The following COTL1 variants were observed in gnomAD, a reference collection of about 807,000 sequenced individuals.
COTL1 encodes coactosin like F-actin binding protein 1, also known as coactosin-like protein.
A neutral mutation model predicts 16.5 loss-of-function variants in COTL1; 15 were observed. The observed-to-expected ratio is 0.91, with a 90% CI of 0.61 to 1.40. The LOEUF is 1.40. Among genes scored for constraint, COTL1 ranks in the 40% most tolerant of loss-of-function variants. COTL1 has a pLI of 0.00. For synonymous variants in COTL1, 112 were observed against 85.3 expected (o/e 1.31, Z -1.73); for missense variants, 220 against 201.5 (o/e 1.09, Z -0.56).
intron 2 of COTL1, among the ~76,000 whole-genome samples, chr16:84,606,804 T>C (rs1905219919): frequency 6.6e-6 from 1 of 152,186 alleles, no homozygotes; most frequent in Non-Finnish European, 1.5e-5. Flanking sequence ...CATGTTCCTC[T>C]TAGGGTCCCT....
chr16:84,591,770 G>A (rs184225039), intron 2 of COTL1, among the ~76,000 whole-genome samples: 53 of 150,198 alleles, frequency 3.5e-4, no homozygotes, highest in African/African-American at 1.3e-3. Flanking sequence ...CTGCAGTTGA[G>A]TAGAGATTAC....
chr16:84,605,548 T>C (rs1905195903), intron 2 of COTL1, among the ~76,000 whole-genome samples: 1 of 152,182 alleles, frequency 6.6e-6, no homozygotes, highest in African/African-American at 2.4e-5. Flanking sequence ...ACCCACGTGA[T>C]CACTGCAGTC....
chr16:84,605,367 A>G, intron 2 of COTL1, among the ~76,000 whole-genome samples: 1 of 152,252 alleles, frequency 6.6e-6, no homozygotes, highest in Admixed American at 6.5e-5. Flanking sequence ...GTCACTGGGC[A>G]TATTAAATGA....
chr16:84,590,318 T>C lies in COTL1; in HGVS notation c.161-56A>G, dbSNP rs1273734656. 6.3e-6 allele frequency: 10 copies of C among 1,586,530 alleles called. No homozygotes were observed. Among genetic ancestry groups the C allele is most frequent in the African/African-American group, 2.7e-5 (2 of 74,610 alleles). ...GCTGCGTTAAAACACCCCCATGTCA[T>C]GTCCCTGGGGAGAGGCTGTGAGCCA... is the stretch of plus-strand genomic sequence containing the variant. On this transcript the variant is annotated intron_variant, in intron 2 of 3. Transcript: ENST00000262428. The surrounding 1 kb of genome is among the most constrained non-coding windows in gnomAD (Gnocchi z 5.5).
At chr16:84,614,605 C>T (rs1221540937) in intron 2 of COTL1, among the ~76,000 whole-genome samples, 1 of 152,004 alleles carries the variant, frequency 6.6e-6, no homozygotes, top group African/African-American at 2.4e-5. Context: ...AGAGCAGGAC[C>T]CCAGGAAGGC....
chr16:84,589,648 T>C (rs939200199), intron 3 of COTL1, among the ~76,000 whole-genome samples: 5 of 152,178 alleles, frequency 3.3e-5, no homozygotes, highest in East Asian at 1.9e-4. Context: ...GTTTCTGACA[T>C]TGCAAATGTC....
chr16:84,595,576 C>G (rs760616804), intron 2 of COTL1: 5 of 152,304 alleles, frequency 3.3e-5, no homozygotes, highest in Non-Finnish European at 7.4e-5. Flanking sequence ...TCCACAAACC[C>G]CAGTGGCAGT....
intron 3 of COTL1, among the ~76,000 whole-genome samples, chr16:84,577,717 GAGGCACACGGCTGTATTTCGGGTGGACAC>G (rs1904485106): frequency 6.6e-6 from 1 of 152,190 alleles, no homozygotes; most frequent in African/African-American, 2.4e-5. Flanking sequence ...AGCCAAGACA[GAGGCACACGGCTGTATTTCGGGTGGACAC>G]AGGGTAACCA....
At chr16:84,589,034 G>A (rs1218351394) in intron 3 of COTL1, among the ~76,000 whole-genome samples, 3 of 151,974 alleles carry the variant, frequency 2.0e-5, no homozygotes, top group African/African-American at 7.3e-5. Flanking sequence ...GCAGTGGTGC[G>A]ATCATGGCTC....
intron 3 of COTL1, among the ~76,000 whole-genome samples, chr16:84,573,724 G>C (rs1904384372): frequency 7.4e-6 from 1 of 135,444 alleles, no homozygotes; most frequent in African/African-American, 2.8e-5. Flanking sequence ...TGGGTGACAA[G>C]AGCGAAACTC....
chr16:84,599,114 C>T (rs1215760308), intron 2 of COTL1, among the ~76,000 whole-genome samples: 1 of 124,266 alleles, frequency 8.0e-6, no homozygotes, highest in African/African-American at 3.0e-5. Context: ...AACTTGAAAT[C>T]TCAGGCTCAG....
chr16:84,577,847 G>A (rs1044465076), intron 3 of COTL1, among the ~76,000 whole-genome samples: 16 of 152,122 alleles, frequency 1.1e-4, no homozygotes, highest in African/African-American at 3.6e-4. Flanking sequence ...CCAAATAGAG[G>A]CGGCTGTTCC....
chr16:84,598,469 G>A (rs939630486), intron 2 of COTL1, among the ~76,000 whole-genome samples: 2 of 152,106 alleles, frequency 1.3e-5, no homozygotes, highest in Non-Finnish European at 2.9e-5. Context: ...GCATCCTAAC[G>A]TTCTCAGGAT....
intron 2 of COTL1, among the ~76,000 whole-genome samples, chr16:84,612,785 T>A (rs1251506174): frequency 1.3e-5 from 2 of 151,884 alleles, no homozygotes; most frequent in African/African-American, 4.8e-5. Flanking sequence ...GTGGTAGGGG[T>A]AGCCAACACA....
At chr16:84,596,193 G>C (rs914821749) in intron 2 of COTL1, 1 of 152,430 alleles carries the variant, frequency 6.6e-6, no homozygotes, top group African/African-American at 2.4e-5. Flanking sequence ...ACAGGTACCA[G>C]AGACAGATGC....
At position 84,585,353 on chromosome 16, in the gene COTL1, C is replaced by CAAA. The variant is rs5818498; in HGVS notation, c.318+4749_318+4751dup. Among the ~76,000 whole-genome samples, 596 of 126,964 alleles carry CAAA rather than the reference C, an allele frequency of 4.7e-3. 12 individuals are homozygous for CAAA. Among genetic ancestry groups the CAAA allele is most frequent in the African/African-American group, 0.016 (547 of 35,134 alleles). The allele number at this position is 126,964 out of a possible 152,430, so 83.3% of individuals were successfully genotyped here. ...CTGGGTGACAGAGTGAGATTGTCTC[C>CAAA]AAAAAAAAAAAAAAAAATCGCCCCC... On this transcript the variant is annotated intron_variant, in intron 3 of 3. Coordinates refer to ENST00000262428, the MANE Select transcript of COTL1 (RefSeq NM_021149.5).
intron 3 of COTL1, 197 bp from the exon 4 acceptor site, chr16:84,567,152 G>GA: frequency 3.7e-6 from 2 of 535,554 alleles, no homozygotes; most frequent in East Asian, 6.9e-5. Context: ...TCATCTGGCA[G>GA]AAAAAACCTG....
intron 3 of COTL1, among the ~76,000 whole-genome samples, chr16:84,584,253 C>T (rs1904668671): frequency 6.6e-6 from 1 of 152,266 alleles, no homozygotes; most frequent in African/African-American, 2.4e-5. Flanking sequence ...CCCAGCTTGC[C>T]TGGCAGCCCC....
chr16:84,593,319 T>C (rs1267401713), intron 2 of COTL1, among the ~76,000 whole-genome samples: 2 of 152,130 alleles, frequency 1.3e-5, no homozygotes, highest in Non-Finnish European at 2.9e-5. Context: ...CAGGGCCTGG[T>C]GACCAACTGG....
Sources: allele counts gnomAD v4.1 joint callset (sites outside exome capture counted in the v4.1 genomes callset), GRCh38; gene constraint gnomAD v4.1.1; non-coding constraint Gnocchi (gnomAD v3.1); transcripts MANE v1.5; gene names NCBI Gene and HGNC (gene_info 2026-07-23, HGNC 2026-07-21).